The following XKR4 variants were observed in gnomAD, a reference collection of about 807,000 sequenced individuals.
The protein encoded by XKR4 is XK-related protein 4.
A neutral mutation model predicts 53.9 loss-of-function variants in XKR4; 12 were observed. The observed-to-expected ratio is 0.22, with a 90% CI of 0.14 to 0.36. XKR4 has a LOEUF of 0.36. XKR4 is among the 10% of genes least tolerant of loss of function. The probability of loss-of-function intolerance (pLI) is 1.00; values close to 1 mark genes in which losing one functional copy is unlikely to be tolerated. For synonymous variants in XKR4, 354 were observed against 362.4 expected (o/e 0.98, Z 0.26); for missense variants, 799 against 859.5 (o/e 0.93, Z 0.88).
intron 1 of XKR4, among the ~76,000 whole-genome samples, chr8:55,116,148 G>A (rs1294082125): frequency 6.6e-6 from 1 of 152,172 alleles, no homozygotes; most frequent in African/African-American, 2.4e-5. Flanking sequence ...GACAAAGTTT[G>A]TGTATGCTGG....
chr8:55,454,388 A>G, intron 2 of XKR4: 1 of 1,441,540 alleles, frequency 6.9e-7, no homozygotes, highest in Non-Finnish European at 9.7e-7. Flanking sequence ...GCTGTATCTG[A>G]GAGGAAACAG....
intron 1 of XKR4, among the ~76,000 whole-genome samples, chr8:55,130,762 C>T (rs1459831065): frequency 6.6e-6 from 1 of 152,052 alleles, no homozygotes; most frequent in Non-Finnish European, 1.5e-5. Context: ...TGTGTGTGGA[C>T]ATGACACAAG....
chr8:55,280,200 G>A (rs1818822428), intron 1 of XKR4, among the ~76,000 whole-genome samples: 1 of 152,166 alleles, frequency 6.6e-6, no homozygotes, highest in South Asian at 2.1e-4. Flanking sequence ...TTGCAAGCCT[G>A]GGTAAGAATG....
intron 2 of XKR4, among the ~76,000 whole-genome samples, chr8:55,428,127 T>A (rs1029907055): frequency 6.6e-6 from 1 of 152,218 alleles, no homozygotes. Context: ...AGATGTAGTA[T>A]ACATGCATAT....
intron 2 of XKR4, chr8:55,453,345 A>C: frequency 2.1e-6 from 1 of 473,302 alleles, no homozygotes; most frequent in Non-Finnish European, 4.4e-6. Context: ...AGGACCACCC[A>C]GTTCTGTTGC....
intron 2 of XKR4, chr8:55,451,642 A>G: frequency 1.9e-6 from 3 of 1,554,386 alleles, no homozygotes; most frequent in Non-Finnish European, 2.6e-6. Context: ...CACGCGCTGC[A>G]GGGCGTTGTC....
intron 2 of XKR4, among the ~76,000 whole-genome samples, chr8:55,370,929 A>C (rs576789789): frequency 6.6e-6 from 1 of 152,128 alleles, no homozygotes; most frequent in African/African-American, 2.4e-5. Flanking sequence ...ACAAAGCCCT[A>C]TGCTAGGCAA....
intron 1 of XKR4, among the ~76,000 whole-genome samples, chr8:55,192,244 TTGAA>T (rs1817452421): frequency 2.1e-5 from 3 of 145,450 alleles, no homozygotes; most frequent in Admixed American, 2.0e-4. Context: ...CTTAACTTTG[TTGAA>T]ATCCTGTGCT....
intron 1 of XKR4, among the ~76,000 whole-genome samples, chr8:55,329,857 G>T (rs573908681): frequency 6.6e-6 from 1 of 152,268 alleles, no homozygotes; most frequent in East Asian, 1.9e-4. Flanking sequence ...ACATGAGGCA[G>T]CATGATGTAA....
At chr8:55,460,533 G>A (rs924744994) in intron 2 of XKR4, among the ~76,000 whole-genome samples, 7 of 152,246 alleles carry the variant, frequency 4.6e-5, no homozygotes, top group African/African-American at 1.4e-4. Flanking sequence ...AACAGCTTCA[G>A]TCTACAGCTC....
At chr8:55,402,005 T>C (rs935722845) in intron 2 of XKR4, among the ~76,000 whole-genome samples, 26 of 152,196 alleles carry the variant, frequency 1.7e-4, no homozygotes, top group Non-Finnish European at 3.7e-4. Flanking sequence ...AAGGACATCA[T>C]TTTGTATTTT....
intron 1 of XKR4, among the ~76,000 whole-genome samples, chr8:55,304,486 G>T (rs982906315): frequency 6.6e-6 from 1 of 152,292 alleles, no homozygotes; most frequent in East Asian, 1.9e-4. Context: ...GATTTGGGGT[G>T]GAGAGTTCTG....
chr8:55,461,216 G>A (rs1805651560), intron 2 of XKR4, among the ~76,000 whole-genome samples: 1 of 152,180 alleles, frequency 6.6e-6, no homozygotes, highest in Non-Finnish European at 1.5e-5. Flanking sequence ...TAACTGGAAG[G>A]CACCCCCCAG....
Position 55,102,297 on chromosome 8 carries a change from AGCCCGGCCCAGC to A in XKR4, c.-187_-176del, listed in dbSNP as rs1466444412. 84 of 730,716 alleles carry A rather than the reference AGCCCGGCCCAGC, an allele frequency of 1.1e-4. No homozygotes were observed. The highest frequency in any genetic ancestry group is 1.3e-4 in the Non-Finnish European group (80 of 597,058). The allele number at this position is 730,716 out of a possible 1,614,324, so 45.3% of individuals were successfully genotyped here. A position where few individuals can be genotyped will look rare whatever the true frequency, so the allele number is the denominator to read the frequency against. Reference sequence around the variant, plus strand: ...TCCTGCCGGCCCCAGGCGCGCCGCTAGCCCGGCCCAGCGCCCAGCCCGGCGGGCGGCGGGCGG... The same window carrying A: ...TCCTGCCGGCCCCAGGCGCGCCGCTAGCCCAGCCCGGCGGGCGGCGGGCGG... On this transcript the variant is annotated 5_prime_UTR_variant, in exon 1 of 3. Transcript: ENST00000327381. The surrounding 1 kb of genome is among the most constrained non-coding windows in gnomAD (Gnocchi z 5.1).
chr8:55,315,906 A>G (rs555720811), intron 1 of XKR4, among the ~76,000 whole-genome samples: 2 of 152,178 alleles, frequency 1.3e-5, no homozygotes, highest in Non-Finnish European at 2.9e-5. Context: ...TAAAAATTGT[A>G]TGGACCCTCA....
chr8:55,392,756 A>G (rs1263890852), intron 2 of XKR4, among the ~76,000 whole-genome samples: 1 of 152,210 alleles, frequency 6.6e-6, no homozygotes, highest in East Asian at 1.9e-4. Flanking sequence ...GAACCACTGC[A>G]CTCCAGCCTG....
At chr8:55,389,355 T>C (rs1283176479) in intron 2 of XKR4, among the ~76,000 whole-genome samples, 3 of 152,208 alleles carry the variant, frequency 2.0e-5, no homozygotes, top group Admixed American at 6.5e-5. Flanking sequence ...TGCTAGCTAA[T>C]ATGTCACTCC....
chr8:55,143,163 G>A (rs572790537), intron 1 of XKR4, among the ~76,000 whole-genome samples: 4 of 152,060 alleles, frequency 2.6e-5, no homozygotes, highest in Non-Finnish European at 5.9e-5. Flanking sequence ...CTCTATTATT[G>A]CTTCATGTTT....
At chr8:55,324,658 C>T (rs530116199) in intron 1 of XKR4, among the ~76,000 whole-genome samples, 1 of 152,218 alleles carries the variant, frequency 6.6e-6, no homozygotes, top group East Asian at 1.9e-4. Flanking sequence ...TTATTAAGTT[C>T]CTGATATGCA....
Sources: allele counts gnomAD v4.1 joint callset (sites outside exome capture counted in the v4.1 genomes callset), GRCh38; gene constraint gnomAD v4.1.1; non-coding constraint Gnocchi (gnomAD v3.1); transcripts MANE v1.5; gene names NCBI Gene and HGNC (gene_info 2026-07-23, HGNC 2026-07-21).